MYOF: variants seen among roughly 807,000 people sequenced by gnomAD.
The protein encoded by MYOF is myoferlin, also known as fer-1-like 3, myoferlin.
Under a neutral mutation model 284.2 loss-of-function variants are expected in MYOF, and 244 were observed. The observed-to-expected ratio is 0.86, with a 90% CI of 0.77 to 0.95. The LOEUF (loss-of-function observed/expected upper bound fraction) is 0.95. Ranked by LOEUF, MYOF falls within the 40% of genes least tolerant of loss-of-function variation. The pLI, the probability that MYOF is intolerant of heterozygous loss-of-function variation, is 0.00. For synonymous variants in MYOF, 904 were observed against 919.7 expected, an observed-to-expected ratio of 0.98 and a Z score of 0.31; for missense variants, 2,496 against 2,560.6, an observed-to-expected ratio of 0.97 and a Z score of 0.54.
chr10:93,401,463 C>G lies in MYOF; in HGVS notation c.1072G>C (p.Val358Leu), dbSNP rs371940653. 1.2e-6 allele frequency: 2 copies of G among 1,614,022 alleles called. No homozygotes were observed. Among genetic ancestry groups the G allele is most frequent in the African/African-American group, 2.7e-5 (2 of 74,890 alleles). Residue 358 changes from valine (V) to leucine (L), a missense_variant, in exon 12 of 54, where the codon GTG becomes CTG. By Grantham distance (32) the Val-to-Leu change is conservative (BLOSUM62 1). This residue lies in a region of MYOF where 2,436 missense variants were observed against 2,480.7 expected (regional missense o/e 0.98). Coordinates refer to ENST00000359263, the MANE Select transcript of MYOF (RefSeq NM_013451.4). ...CGGTAGATTTTCAGCAAGAAGGTCA[C>G]CCACCGGAGGGCAATGCCAGCAGGG... ...LLPAGIALRW[V>L]TFLLKIYRAE...
intron 32 of MYOF, among the ~76,000 whole-genome samples, 173 bp downstream of exon 32, chr10:93,353,638 A>G (rs1035211368): frequency 6.6e-6 from 1 of 152,214 alleles, no homozygotes; most frequent in Non-Finnish European, 1.5e-5. Context: ...TGCCTAAAGC[A>G]TTCAGTGATG....
At chr10:93,355,563 G>A (rs1371857816) in intron 31 of MYOF, 65 bp downstream of exon 31, 4 of 1,321,844 alleles carry the variant, frequency 3.0e-6, no homozygotes, top group African/African-American at 2.9e-5. Context: ...CTGGGTGATA[G>A]GGCCAGACTC....
At chr10:93,444,403 G>A (rs574453484) in intron 3 of MYOF, among the ~76,000 whole-genome samples, 1 of 152,342 alleles carries the variant, frequency 6.6e-6, no homozygotes, top group East Asian at 1.9e-4. Context: ...ATTTCAGATG[G>A]TGGTGAATGC....
chr10:93,385,774 T>TTTTG (rs142834779), intron 19 of MYOF, among the ~76,000 whole-genome samples: 10,802 of 152,210 alleles, frequency 0.071, 412 homozygotes, highest in Middle Eastern at 0.13. Context: ...ATGAATTCTG[T>TTTTG]TTTACCAGTC....
At chr10:93,326,294 G>T (rs974905770) in intron 45 of MYOF, among the ~76,000 whole-genome samples, 2 of 152,166 alleles carry the variant, frequency 1.3e-5, no homozygotes, top group Non-Finnish European at 2.9e-5. Context: ...GTTAGAGGAG[G>T]CCATGTGACC....
chr10:93,388,958 A>T, intron 18 of MYOF, 72 bp downstream of exon 18: 2 of 1,548,378 alleles, frequency 1.3e-6, no homozygotes, highest in Non-Finnish European at 1.7e-6. Flanking sequence ...GCAATACTTG[A>T]TCAGACATTA....
chr10:93,382,926 C>G (rs1463400541), intron 19 of MYOF, among the ~76,000 whole-genome samples: 1 of 152,100 alleles, frequency 6.6e-6, no homozygotes. Context: ...GACTGTGTCT[C>G]GCTCTGTCAC....
intron 1 of MYOF, among the ~76,000 whole-genome samples, chr10:93,459,229 C>A (rs984433254): frequency 6.6e-6 from 1 of 152,196 alleles, no homozygotes; most frequent in African/African-American, 2.4e-5. Flanking sequence ...CCTTCCCTCT[C>A]CTCATCTAAC....
chr10:93,331,903 C>G (rs1191302765), intron 43 of MYOF, among the ~76,000 whole-genome samples: 2 of 152,218 alleles, frequency 1.3e-5, no homozygotes, highest in African/African-American at 4.8e-5. Context: ...GTTCTGAGAA[C>G]AAAACATCAT....
Position 93,342,080 on chromosome 10 carries a change from T to C in MYOF, c.4326+1776A>G, listed in dbSNP as rs41308669. 4.8e-6 allele frequency: 3 copies of C among 628,314 alleles called. No homozygotes were observed. In the South Asian group the frequency reaches 5.2e-5, roughly 11 times the overall value. The allele number at this position is 628,314 out of a possible 1,614,324, so 38.9% of individuals were successfully genotyped here. A position where few individuals can be genotyped will look rare whatever the true frequency, so the allele number is the denominator to read the frequency against. ...TTATTTCTCACTTTTCTTGTGATAGTGCTCAGCCCATTTGTTAAGAATTTC... is the reference window on the plus strand; with the variant it reads ...TTATTTCTCACTTTTCTTGTGATAGCGCTCAGCCCATTTGTTAAGAATTTC... On this transcript the variant is annotated intron_variant, in intron 38 of 53. Transcript: ENST00000359263.
intron 40 of MYOF, 120 bp downstream of exon 40, chr10:93,337,695 T>G (rs1267798984): frequency 2.1e-5 from 16 of 748,204 alleles, no homozygotes; most frequent in Non-Finnish European, 3.1e-5. Context: ...GACAGAGGTT[T>G]TCCTGGGCCC....
intron 39 of MYOF, 112 bp downstream of exon 39, chr10:93,340,041 C>T (rs1258999077): frequency 4.2e-6 from 5 of 1,186,196 alleles, no homozygotes; most frequent in Non-Finnish European, 4.8e-6. Context: ...GATCGCGCCA[C>T]TGCACTCCAG....
intron 12 of MYOF, among the ~76,000 whole-genome samples, chr10:93,401,161 T>C (rs1182946714): frequency 1.3e-5 from 2 of 152,078 alleles, no homozygotes; most frequent in African/African-American, 2.4e-5. Context: ...AGAGAAGATA[T>C]AGAATAGCAA....
chr10:93,376,520 C>G (rs1845842173), intron 22 of MYOF, among the ~76,000 whole-genome samples: 1 of 152,156 alleles, frequency 6.6e-6, no homozygotes, highest in South Asian at 2.1e-4. Context: ...AGCACCCCAG[C>G]AGTACTTTGA....
Position 93,387,853 on chromosome 10 carries a change from T to C in MYOF, c.1642A>G (p.Thr548Ala). The part of the protein sequence containing the change: ...LVELATFLEK[T>A]PPDKKLEPIS... ...GGCTCAAGCTTTTTATCTGGTGGTG[T>C]CTTCTCAAGAAAAGTGGCTAATTCA... Residue 548 changes from threonine to alanine, a missense_variant, in exon 19 of 54, where the codon ACA (threonine) becomes GCA (alanine). Transcript: ENST00000359263. 6.2e-7 allele frequency: 1 copy of C among 1,614,138 alleles called. No individual in the cohort carries two copies. The highest frequency in any genetic ancestry group is 8.5e-7 in the Non-Finnish European group (1 of 1,180,034).
At chr10:93,332,622 G>T (rs1456615816) in intron 43 of MYOF, among the ~76,000 whole-genome samples, 1 of 150,842 alleles carries the variant, frequency 6.6e-6, no homozygotes, top group Non-Finnish European at 1.5e-5. Context: ...GAGGCGGGCA[G>T]ATCACAAGGT....
chr10:93,359,858 G>A lies in MYOF; in HGVS notation c.3095C>T (p.Thr1032Ile), dbSNP rs184380945. 58 of 1,614,202 alleles carry A rather than the reference G, an allele frequency of 3.6e-5. No homozygotes were observed. In the East Asian group the frequency reaches 1.2e-3, roughly 35 times the overall value. Reference sequence around the variant, plus strand: ...CCTTGCGGTGCTTGAAGCAGTCTGTGTTAAATCTTTCTTGCGTTTTCGGAC... The same window carrying A: ...CCTTGCGGTGCTTGAAGCAGTCTGTATTAAATCTTTCTTGCGTTTTCGGAC... ...RLVRKRKKDL[T>I]QTASSTARAM... The change falls in exon 29 of 54, where the codon ACA (threonine) becomes ATA (isoleucine). Residue 1032 changes from threonine to isoleucine, a missense_variant. By Grantham distance (89) the Thr-to-Ile change is moderately conservative (BLOSUM62 -1). Coordinates refer to ENST00000359263, the MANE Select transcript of MYOF (RefSeq NM_013451.4).
chr10:93,352,827 G>T (rs894406423), intron 32 of MYOF, among the ~76,000 whole-genome samples: 1 of 152,168 alleles, frequency 6.6e-6, no homozygotes, highest in Admixed American at 6.5e-5. Flanking sequence ...GTGATAGAGT[G>T]CCCCCTGGTG....
chr10:93,321,412 C>CTTTTT (rs35765868), intron 48 of MYOF, among the ~76,000 whole-genome samples: 8 of 121,170 alleles, frequency 6.6e-5, no homozygotes, highest in African/African-American at 2.0e-4. Context: ...GACTATTAAC[C>CTTTTT]TTTTTTTTTT....
Sources: allele counts gnomAD v4.1 joint callset (sites outside exome capture counted in the v4.1 genomes callset), GRCh38; gene constraint gnomAD v4.1.1; regional missense constraint gnomAD v4.1.1; transcripts MANE v1.5; gene names NCBI Gene and HGNC (gene_info 2026-07-23, HGNC 2026-07-21).